Variants in CNNM4 observed in about 807,000 individuals in gnomAD.
The protein encoded by CNNM4 is cyclin and CBS domain divalent metal cation transport mediator 4.
In CNNM4, 32 loss-of-function variants were observed where a neutral mutation model predicts 53.7. The observed-to-expected ratio is 0.60, with a 90% confidence interval of 0.45 to 0.80. The LOEUF is 0.80. CNNM4 is among the 30% of genes least tolerant of loss of function. CNNM4 has a pLI of 0.00. For missense variants in CNNM4, 784 were observed against 1,022.0 expected (o/e 0.77, Z 3.17); for synonymous variants, 410 against 440.0 (o/e 0.93, Z 0.85).
chr2:96,796,856 T>C (rs539931707), intron 1 of CNNM4, among the ~76,000 whole-genome samples, 156 bp from the exon 2 acceptor site: 2 of 152,354 alleles, frequency 1.3e-5, no homozygotes, highest in Admixed American at 6.5e-5. Flanking sequence ...GCAATGTCTG[T>C]TTGCAGTAGA....
At position 96,761,977 on chromosome 2, in the gene CNNM4, T is replaced by C. The variant is rs201014887; in HGVS notation, c.978T>C (p.Phe326=). The part of the protein sequence containing the change: ...LSFPISKLLD[F]FLGQEIRTVY... ...TTCCCATTAGCAAGCTCCTGGACTTTTTTCTGGGCCAGGAGATTCGCACTG... is the reference window on the plus strand; with the variant it reads ...TTCCCATTAGCAAGCTCCTGGACTTCTTTCTGGGCCAGGAGATTCGCACTG... Residue 326 remains phenylalanine, a synonymous_variant, in exon 1 of 7, where the codon TTT becomes TTC. Coordinates refer to ENST00000377075, the MANE Select transcript of CNNM4 (RefSeq NM_020184.4). This position sits in a 1 kb window ranked among gnomAD's most constrained non-coding sequence, Gnocchi z 6.0. The C allele has an allele frequency of 6.2e-7, 1 of 1,613,960 alleles. No homozygotes were observed. The highest frequency in any genetic ancestry group is 8.5e-7 in the Non-Finnish European group (1 of 1,180,022).
intron 5 of CNNM4, among the ~76,000 whole-genome samples, chr2:96,806,873 C>T (rs188983560): frequency 6.6e-6 from 1 of 152,098 alleles, no homozygotes; most frequent in African/African-American, 2.4e-5. Context: ...ATTCGAGATT[C>T]GAGATTGTTA....
chr2:96,782,926 C>G (rs955465179), intron 1 of CNNM4, among the ~76,000 whole-genome samples: 2 of 151,972 alleles, frequency 1.3e-5, no homozygotes, highest in Admixed American at 1.3e-4. Context: ...GTGGTCCACG[C>G]TGGGAATGGG....
At chr2:96,771,671 G>A (rs899905457) in intron 1 of CNNM4, among the ~76,000 whole-genome samples, 3 of 150,124 alleles carry the variant, frequency 2.0e-5, no homozygotes, top group African/African-American at 4.9e-5. Flanking sequence ...CCAAGATCGT[G>A]CCACTGCACT....
intron 1 of CNNM4, among the ~76,000 whole-genome samples, chr2:96,780,045 C>A (rs1159763118): frequency 6.6e-6 from 1 of 152,254 alleles, no homozygotes; most frequent in East Asian, 1.9e-4. Context: ...TGTAATCTGC[C>A]CGTCTTGGCC....
chr2:96,806,600 T>A (rs1464735631), intron 5 of CNNM4, among the ~76,000 whole-genome samples: 1 of 151,958 alleles, frequency 6.6e-6, no homozygotes, highest in Non-Finnish European at 1.5e-5. Context: ...AGATTCAGTA[T>A]GTTTGTTCTC....
intron 1 of CNNM4, among the ~76,000 whole-genome samples, chr2:96,766,886 T>G (rs998161009): frequency 6.6e-6 from 1 of 152,180 alleles, no homozygotes; most frequent in Non-Finnish European, 1.5e-5. Context: ...ATGGGTGTTG[T>G]GCACTTACCG....
chr2:96,777,903 G>C (rs1012298806), intron 1 of CNNM4, among the ~76,000 whole-genome samples: 1 of 145,256 alleles, frequency 6.9e-6, no homozygotes, highest in African/African-American at 2.6e-5. Flanking sequence ...ATCTTGCTTT[G>C]TCACCCAGGC....
chr2:96,805,435 T>TTA (rs1558997427), intron 5 of CNNM4, among the ~76,000 whole-genome samples: 1 of 139,594 alleles, frequency 7.2e-6, no homozygotes, highest in African/African-American at 3.1e-5. Flanking sequence ...TTTTTTTTTT[T>TTA]TTTTATTATT....
At chr2:96,802,012 C>G (rs1227850961) in intron 5 of CNNM4, among the ~76,000 whole-genome samples, 1 of 151,576 alleles carries the variant, frequency 6.6e-6, no homozygotes, top group East Asian at 1.9e-4. Flanking sequence ...GACACACACA[C>G]ACACAGAAGC....
chr2:96,796,131 CTTTTTT>C (rs796494842), intron 1 of CNNM4, among the ~76,000 whole-genome samples: 3 of 50,670 alleles, frequency 5.9e-5, no homozygotes, highest in South Asian at 8.8e-4. Context: ...CAGACAGGGT[CTTTTTT>C]TTTTTTTTTT....
At chr2:96,784,222 G>A (rs1322298889) in intron 1 of CNNM4, among the ~76,000 whole-genome samples, 4 of 152,106 alleles carry the variant, frequency 2.6e-5, no homozygotes, top group African/African-American at 7.2e-5. Flanking sequence ...AGCTAGGATC[G>A]TGCCACTGCA....
At chr2:96,782,080 GAACT>G (rs1164557505) in intron 1 of CNNM4, among the ~76,000 whole-genome samples, 1 of 152,138 alleles carries the variant, frequency 6.6e-6, no homozygotes, top group Non-Finnish European at 1.5e-5. Context: ...AACCGGAGTA[GAACT>G]AACTTAGTGT....
At chr2:96,789,926 C>T (rs2079045616) in intron 1 of CNNM4, among the ~76,000 whole-genome samples, 1 of 146,174 alleles carries the variant, frequency 6.8e-6, no homozygotes, top group Non-Finnish European at 1.5e-5. Context: ...CTCCTGACCT[C>T]GTGATCCACC....
chr2:96,789,200 G>A (rs973455627), intron 1 of CNNM4, among the ~76,000 whole-genome samples: 1 of 152,148 alleles, frequency 6.6e-6, no homozygotes, highest in Non-Finnish European at 1.5e-5. Context: ...CCGGTCAGCC[G>A]ATGGCACAGA....
At chr2:96,768,317 G>A (rs1276411028) in intron 1 of CNNM4, among the ~76,000 whole-genome samples, 1 of 152,128 alleles carries the variant, frequency 6.6e-6, no homozygotes, top group Non-Finnish European at 1.5e-5. Flanking sequence ...TGACCGTTTT[G>A]AAGCCTCTGT....
Position 96,797,397 on chromosome 2 carries a change from C to A in CNNM4, c.1547-116C>A. On this transcript the variant is annotated intron_variant, in intron 2 of 6. Transcript: ENST00000377075. This position sits in a 1 kb window ranked among gnomAD's most constrained non-coding sequence, Gnocchi z 6.0. ...CAGCCCAGGACCCTGCCAGCCAGAG[C>A]CTGCTGCTCCTGCGTGGGACTAGGG... 1 of 1,497,938 alleles carries A rather than the reference C, an allele frequency of 6.7e-7. No homozygotes were observed. Among genetic ancestry groups the A allele is most frequent in the Non-Finnish European group, 9.2e-7 (1 of 1,087,648 alleles). 92.8% of individuals were successfully genotyped at this position (1,497,938 alleles called of 1,614,324 possible).
At chr2:96,799,484 C>T in intron 4 of CNNM4, 68 bp from the exon 5 acceptor site, 2 of 1,399,656 alleles carry the variant, frequency 1.4e-6, no homozygotes, top group South Asian at 1.2e-5. Flanking sequence ...GTTCCTCACT[C>T]CCCATCCTGC....
chr2:96,762,042 C>A lies in CNNM4; in HGVS notation c.1043C>A (p.Thr348Lys), dbSNP rs1182434503. Residue 348 changes from threonine (T) to lysine (K), a missense_variant, in exon 1 of 7, where the codon ACG becomes AAG. Thr to Lys is a moderately conservative substitution (Grantham distance 78). This residue lies in a region of CNNM4 where 473 missense variants were observed against 624.6 expected (regional missense o/e 0.76). Coordinates refer to ENST00000377075, the MANE Select transcript of CNNM4 (RefSeq NM_020184.4). ...AAGCTGATGGAGATGTTGAAGGTGA[C>A]GGAGCCCTATAATGACCTCGTGAAA... is the stretch of plus-strand genomic sequence containing the variant. ...REKLMEMLKV[T>K]EPYNDLVKEE... 1 of 1,614,098 alleles carries A rather than the reference C, an allele frequency of 6.2e-7. No individual in the cohort carries two copies. Among genetic ancestry groups the A allele is most frequent in the South Asian group, 1.1e-5 (1 of 91,074 alleles).
Sources: allele counts gnomAD v4.1 joint callset (sites outside exome capture counted in the v4.1 genomes callset), GRCh38; gene constraint gnomAD v4.1.1; regional missense constraint gnomAD v4.1.1; non-coding constraint Gnocchi (gnomAD v3.1); transcripts MANE v1.5; gene names NCBI Gene and HGNC (gene_info 2026-07-23, HGNC 2026-07-21).